Variants in FBXW11 observed in about 807,000 individuals in gnomAD.
FBXW11 encodes the protein F-box and WD repeat domain containing 11, also known as F-box/WD repeat-containing protein 11.
A neutral mutation model predicts 77.6 loss-of-function variants in FBXW11; 19 were observed. The observed-to-expected ratio is 0.24, with a 90% CI of 0.17 to 0.36. The LOEUF (loss-of-function observed/expected upper bound fraction) is 0.36. Ranked by LOEUF, FBXW11 falls within the 10% of genes least tolerant of loss-of-function variation. The probability of loss-of-function intolerance (pLI) is 1.00; values close to 1 mark genes in which losing one functional copy is unlikely to be tolerated. For synonymous variants in FBXW11, 235 were observed against 249.4 expected (o/e 0.94, Z 0.54); for missense variants, 334 against 704.2 (o/e 0.47, Z 5.95).
At position 172,006,336 on chromosome 5, in the gene FBXW11, C is replaced by T. The variant is rs926285720; in HGVS notation, c.45+122G>A. The T allele has an allele frequency of 6.0e-6, 5 of 828,598 alleles. No individual in the cohort carries two copies. The African/African-American group carries it at 8.9e-5, about 15-fold the overall frequency. 51.3% of individuals were successfully genotyped at this position (828,598 alleles called of 1,614,324 possible). A position where few individuals can be genotyped will look rare whatever the true frequency, so the allele number is the denominator to read the frequency against. On this transcript the variant is annotated intron_variant, in intron 1 of 13. Transcript: ENST00000517395. The stretch of plus-strand genomic sequence containing the variant: ...TCCGAGGCCAGGGAAGGCTGGGGGC[C>T]CGGGTCTGGGTCGAGGCGTCTGGGA...
At chr5:171,980,677 C>T (rs1765091687) in intron 1 of FBXW11, among the ~76,000 whole-genome samples, 1 of 152,130 alleles carries the variant, frequency 6.6e-6, no homozygotes, top group African/African-American at 2.4e-5. Flanking sequence ...ACTGACAATG[C>T]CAATTGCTGA....
chr5:171,938,452 T>C (rs1762586210), intron 2 of FBXW11, among the ~76,000 whole-genome samples: 1 of 152,230 alleles, frequency 6.6e-6, no homozygotes, highest in African/African-American at 2.4e-5. Context: ...AAATTAAAGC[T>C]ACACATTTCT....
chr5:171,983,781 A>T (rs1050829141), intron 1 of FBXW11, among the ~76,000 whole-genome samples: 1 of 152,110 alleles, frequency 6.6e-6, no homozygotes, highest in Non-Finnish European at 1.5e-5. Context: ...GCCTACCCCC[A>T]TTACCCAGTA....
intron 13 of FBXW11, among the ~76,000 whole-genome samples, chr5:171,864,788 C>CA (rs1188155938): frequency 2.6e-5 from 4 of 151,670 alleles, no homozygotes; most frequent in East Asian, 3.9e-4. Context: ...CACACACACA[C>CA]AAAAAAACAA....
rs1366469550 is a variant in FBXW11 at position 171,916,709 on chromosome 5, G to A, written c.148-2304C>T. Among the ~76,000 whole-genome samples the A allele has an allele frequency of 5.3e-5, 8 of 152,202 alleles. No homozygotes were observed. The East Asian group carries it at 7.7e-4, about 15-fold the overall frequency. Reference sequence around the variant, plus strand: ...CCCTGAGTTTGGTAGTTACAAAGCCGTCTTGCAAGGCCACAATGTCTGGGT... The same window carrying A: ...CCCTGAGTTTGGTAGTTACAAAGCCATCTTGCAAGGCCACAATGTCTGGGT... On this transcript the variant is annotated intron_variant, in intron 2 of 13. Transcript: ENST00000517395.
At chr5:171,967,871 TATATATATATATACAC>T (rs1341180956) in intron 1 of FBXW11, among the ~76,000 whole-genome samples, 1,248 of 110,784 alleles carry the variant, frequency 0.011, 9 homozygotes, top group Middle Eastern at 0.046. Flanking sequence ...TATATATATA[TATATATATATATACAC>T]ACACACACAC....
At chr5:171,968,186 G>C (rs1053753884) in intron 1 of FBXW11, among the ~76,000 whole-genome samples, 10 of 152,262 alleles carry the variant, frequency 6.6e-5, no homozygotes, top group African/African-American at 2.4e-4. Flanking sequence ...GCCGGGCGCA[G>C]TGGCTCACGC....
In FBXW11 at chr5:171,990,665, A is replaced by G. The variant is rs564247762; in HGVS notation, c.45+15793T>C. On this transcript the variant is annotated intron_variant, in intron 1 of 13. Transcript: ENST00000517395. ...TTAAATTAAATTATCTCCTCAAAAA[A>G]TATGACAGCTCTTTGGGAACTGATA... Among the ~76,000 whole-genome samples the G allele has an allele frequency of 2.0e-5, 3 of 152,334 alleles. No individual in the cohort carries two copies. The East Asian group carries it at 5.8e-4, about 29-fold the overall frequency.
intron 4 of FBXW11, among the ~76,000 whole-genome samples, chr5:171,905,289 AATG>A (rs1327921989): frequency 6.6e-6 from 1 of 152,184 alleles, no homozygotes; most frequent in African/African-American, 2.4e-5. Flanking sequence ...ATAATATCAG[AATG>A]ATATTAAATG....
At chr5:171,901,034 T>C (rs576610870) in intron 4 of FBXW11, among the ~76,000 whole-genome samples, 96 of 152,208 alleles carry the variant, frequency 6.3e-4, no homozygotes, top group Non-Finnish European at 1.3e-3. Flanking sequence ...ACACAGAACT[T>C]ATCATCAGAA....
intron 1 of FBXW11, among the ~76,000 whole-genome samples, chr5:171,987,328 C>A (rs1291338308): frequency 1.3e-5 from 2 of 152,218 alleles, no homozygotes; most frequent in East Asian, 3.8e-4. Context: ...ACAACAAACA[C>A]CACTGTCTGC....
intron 2 of FBXW11, among the ~76,000 whole-genome samples, chr5:171,936,157 A>G (rs1259146601): frequency 6.6e-6 from 1 of 151,506 alleles, no homozygotes; most frequent in Non-Finnish European, 1.5e-5. Context: ...TGAAGATAAC[A>G]GAAGAATCAC....
intron 6 of FBXW11, among the ~76,000 whole-genome samples, chr5:171,892,329 C>T (rs990593192): frequency 6.6e-6 from 1 of 152,138 alleles, no homozygotes; most frequent in Non-Finnish European, 1.5e-5. Context: ...CATACAATAA[C>T]CTTGGAAGGA....
chr5:171,868,665 G>C lies in FBXW11; in HGVS notation c.1662C>G (p.Pro554=), dbSNP rs61739670. 2,998 of 1,613,650 alleles carry C rather than the reference G, an allele frequency of 1.9e-3. 2 individuals carry two copies. The highest frequency in any genetic ancestry group is 2.4e-3 in the Admixed American group (143 of 60,002). The part of the protein sequence containing the change: ...PPSAQNETRS[P]SRTYTYISR ...TAGAGATGTAAGTGTATGTTCTGGA[G>C]GGAGAACGGGTCTCATTCTGGGCAC... Residue 554 remains proline, a synonymous_variant, in exon 13 of 14, where the codon CCC becomes CCG. Transcript: ENST00000517395.
chr5:172,002,239 G>A (rs533941160), intron 1 of FBXW11, among the ~76,000 whole-genome samples: 1 of 152,230 alleles, frequency 6.6e-6, no homozygotes, highest in South Asian at 2.1e-4. Context: ...CTATTTGCAG[G>A]AGACAGACTA....
At chr5:171,927,115 G>A (rs1166479802) in intron 2 of FBXW11, among the ~76,000 whole-genome samples, 2 of 152,030 alleles carry the variant, frequency 1.3e-5, no homozygotes, top group African/African-American at 2.4e-5. Context: ...TCAAGACCTG[G>A]GAATAGGCAA....
rs972679833 is a variant in FBXW11, at chr5:171,883,106, G to A, written c.853-4977C>T. On this transcript the variant is annotated intron_variant, in intron 7 of 13. Coordinates refer to ENST00000517395, the MANE Select transcript of FBXW11 (RefSeq NM_001378974.1). ...CAATCTCATCCAAGTCACCGCAAATGCTGTTAATTCATTCCTTTATATGGC... is the reference window on the plus strand; with the variant it reads ...CAATCTCATCCAAGTCACCGCAAATACTGTTAATTCATTCCTTTATATGGC... Among the ~76,000 whole-genome samples, 7 of 152,116 alleles carry A rather than the reference G, an allele frequency of 4.6e-5. No individual in the cohort carries two copies. The East Asian group carries it at 1.3e-3, about 29-fold the overall frequency.
chr5:171,947,852 C>T (rs1255063668), intron 2 of FBXW11, among the ~76,000 whole-genome samples: 2 of 151,536 alleles, frequency 1.3e-5, no homozygotes, highest in African/African-American at 4.9e-5. Context: ...GGGAGGTCGA[C>T]GCTATAGTGA....
chr5:172,006,280 A>C (rs956535217), intron 1 of FBXW11, among the ~76,000 whole-genome samples, 178 bp downstream of exon 1: 1 of 151,992 alleles, frequency 6.6e-6, no homozygotes, highest in Non-Finnish European at 1.5e-5. Context: ...CCGGCCGGAG[A>C]TGTCGAGGGA....
Sources: gnomAD v4.1 joint callset for allele counts (sites outside exome capture counted in the v4.1 genomes callset) on GRCh38, gnomAD v4.1.1 for gene constraint, MANE v1.5 for transcripts, NCBI Gene and HGNC (gene_info 2026-07-23, HGNC 2026-07-21) for gene names.